Variants in IL20RA observed in about 807,000 individuals in gnomAD.
The protein encoded by IL20RA is interleukin 20 receptor subunit alpha.
Under a neutral mutation model 36.5 loss-of-function variants are expected in IL20RA, and 29 were observed. That is an observed-to-expected ratio of 0.79 (90% CI 0.59 to 1.08). The LOEUF is 1.08. Ranked by LOEUF, IL20RA falls within the 50% of genes least tolerant of loss-of-function variation. IL20RA has a pLI of 0.00. For synonymous variants in IL20RA, 279 were observed against 267.1 expected (o/e 1.04, Z -0.43); for missense variants, 652 against 668.4 (o/e 0.98, Z 0.27).
At chr6:137,028,939 G>T (rs565720015) in intron 1 of IL20RA, among the ~76,000 whole-genome samples, 23 of 152,236 alleles carry the variant, frequency 1.5e-4, no homozygotes, top group African/African-American at 5.5e-4. Flanking sequence ...ACCCAAACTT[G>T]TGGAAAGTGG....
In IL20RA at chr6:137,044,790, G is replaced by C. The variant is rs542354198; in HGVS notation, c.-62C>G. On this transcript the variant is annotated 5_prime_UTR_variant, in exon 1 of 7. Transcript: ENST00000316649. ...GACTGCTCAGTCCCACGCCCGCTGG[G>C]GCCAAGCGCGGCCGCGCGGCCTCAG... 98 of 1,201,100 alleles carry C rather than the reference G, an allele frequency of 8.2e-5. No homozygotes were observed. In the African/African-American group the frequency reaches 1.4e-3, roughly 17 times the overall value. The allele number at this position is 1,201,100 out of a possible 1,614,324, so 74.4% of individuals were successfully genotyped here.
intron 1 of IL20RA, among the ~76,000 whole-genome samples, chr6:137,028,854 GA>G (rs56684668): frequency 6.6e-6 from 1 of 151,532 alleles, no homozygotes; most frequent in African/African-American, 2.4e-5. Flanking sequence ...TTAGAAACAT[GA>G]AAAAAAAATT....
intron 1 of IL20RA, among the ~76,000 whole-genome samples, chr6:137,017,351 T>C (rs755636750): frequency 6.6e-6 from 1 of 152,156 alleles, no homozygotes; most frequent in African/African-American, 2.4e-5. Context: ...GAGACCATGT[T>C]GAGAGATTGC....
At chr6:137,021,502 C>CAAAAAA (rs3041896) in intron 1 of IL20RA, among the ~76,000 whole-genome samples, 1 of 140,144 alleles carries the variant, frequency 7.1e-6, no homozygotes, top group Non-Finnish European at 1.5e-5. Context: ...CTGTTTCTAG[C>CAAAAAA]AAAAAAAAAA....
At chr6:137,040,976 C>T (rs2115431000) in intron 1 of IL20RA, among the ~76,000 whole-genome samples, 1 of 152,308 alleles carries the variant, frequency 6.6e-6, no homozygotes, top group Non-Finnish European at 1.5e-5. Flanking sequence ...TCTGAAGAGA[C>T]CACCTTAACC....
Position 137,001,589 on chromosome 6 carries a change from T to A in IL20RA, c.1631A>T (p.Glu544Val). ...TTCCATCTGCACATATAACCCCCATTCCTCCATGAATTGCATGAGATAGGT... is the reference window on the plus strand; with the variant it reads ...TTCCATCTGCACATATAACCCCCATACCTCCATGAATTGCATGAGATAGGT... ...NETYLMQFME[E>V]WGLYVQMEN Residue 544 changes from glutamate to valine, a missense_variant, in exon 7 of 7, where the codon GAA (glutamate) becomes GTA (valine). By Grantham distance (121) the Glu-to-Val change is moderately radical. Transcript: ENST00000316649. 6.3e-7 allele frequency: 1 copy of A among 1,588,058 alleles called. No individual in the cohort carries two copies. Among genetic ancestry groups the A allele is most frequent in the Non-Finnish European group, 8.6e-7 (1 of 1,166,748 alleles).
chr6:137,044,217 C>A lies in IL20RA; in HGVS notation c.88+424G>T, dbSNP rs527647455. On this transcript the variant is annotated intron_variant, in intron 1 of 6. Transcript: ENST00000316649. The stretch of plus-strand genomic sequence containing the variant: ...ACTGCGGGGCCCGGCGGCCGAGACG[C>A]GGCATCCACAGGGGCCCCTCCGCGC... 444 of 988,130 alleles carry A rather than the reference C, an allele frequency of 4.5e-4. 1 individual carries two copies. In the African/African-American group the frequency reaches 6.7e-3, roughly 15 times the overall value. The allele number at this position is 988,130 out of a possible 1,614,324, so 61.2% of individuals were successfully genotyped here.
At chr6:137,041,555 A>G (rs1051799750) in intron 1 of IL20RA, among the ~76,000 whole-genome samples, 4 of 151,886 alleles carry the variant, frequency 2.6e-5, no homozygotes, top group Admixed American at 6.6e-5. Flanking sequence ...GTCCCTGTGT[A>G]TGTGTGTGTG....
At position 137,008,641 on chromosome 6, in the gene IL20RA, G is replaced by A. The variant is rs769008026; in HGVS notation, c.682C>T (p.Arg228Cys). 8.1e-6 allele frequency: 13 copies of A among 1,606,408 alleles called. No homozygotes were observed. Among genetic ancestry groups the A allele is most frequent in the East Asian group, 2.2e-5 (1 of 44,556 alleles). Residue 228 changes from arginine (R) to cysteine (C), a missense_variant, in exon 5 of 7, where the codon CGT becomes TGT. By Grantham distance (180) the Arg-to-Cys change is radical (BLOSUM62 -3). Transcript: ENST00000316649. The stretch of plus-strand genomic sequence containing the variant: ...CACTGCTTCTCAGAAGGCTGAGCAC[G>A]GCGAGGGGGCCCTGGGACGAAGGAC... ...VESFVPGPPR[R>C]AQPSEKQCAR... is the part of the protein sequence containing the mutation.
chr6:137,015,648 T>TTTTG (rs369289244), intron 2 of IL20RA, among the ~76,000 whole-genome samples: 123 of 152,168 alleles, frequency 8.1e-4, no homozygotes, highest in East Asian at 6.4e-3. Flanking sequence ...TCTCCATAAT[T>TTTTG]TTTGTTTGTT....
chr6:137,005,315 G>A (rs1405981274), intron 5 of IL20RA, among the ~76,000 whole-genome samples: 2 of 152,196 alleles, frequency 1.3e-5, no homozygotes, highest in Admixed American at 6.5e-5. Flanking sequence ...CTGGAGCCTG[G>A]GGATGTGTGT....
intron 1 of IL20RA, among the ~76,000 whole-genome samples, chr6:137,040,930 C>T (rs1482553203): frequency 6.6e-6 from 1 of 152,134 alleles, no homozygotes; most frequent in African/African-American, 2.4e-5. Flanking sequence ...ATTTATTAGT[C>T]ACACAGTGAA....
intron 2 of IL20RA, among the ~76,000 whole-genome samples, chr6:137,015,952 C>T (rs754359288): frequency 5.9e-5 from 9 of 152,136 alleles, no homozygotes; most frequent in South Asian, 2.1e-4. Context: ...CCACCGTGTC[C>T]GGCCAATGCT....
At position 137,001,427 on chromosome 6, in the gene IL20RA, G is replaced by T. The variant is rs1360696405; in HGVS notation, c.*131C>A. ...ACACGTGCTATGAGAATAGAGAAAA[G>T]AAATAAGTAATTCTCACAGACACTG... On this transcript the variant is annotated 3_prime_UTR_variant, in exon 7 of 7. Transcript: ENST00000316649. 3.7e-6 allele frequency: 3 copies of T among 801,572 alleles called. No individual in the cohort carries two copies. The highest frequency in any genetic ancestry group is 4.0e-6 in the Non-Finnish European group (2 of 498,306). 49.7% of individuals were successfully genotyped at this position (801,572 alleles called of 1,614,324 possible). A position where few individuals can be genotyped will look rare whatever the true frequency, so the allele number is the denominator to read the frequency against.
chr6:137,019,455 G>A (rs2115391604), intron 1 of IL20RA, among the ~76,000 whole-genome samples: 1 of 152,208 alleles, frequency 6.6e-6, no homozygotes, highest in Middle Eastern at 3.4e-3. Flanking sequence ...TGTGAGTAAA[G>A]AAATGACAGA....
rs544162744 is a variant in IL20RA at position 137,012,409 on chromosome 6, G to A, written c.225-957C>T. On this transcript the variant is annotated intron_variant, in intron 2 of 6. Coordinates refer to ENST00000316649, the MANE Select transcript of IL20RA (RefSeq NM_014432.4). ...GTGGAATGGTGGTGATATTTACTAC[G>A]AAAAAGAGCACTGAGACAGAACAGA... Among the ~76,000 whole-genome samples the A allele has an allele frequency of 7.9e-5, 12 of 152,276 alleles. No homozygotes were observed. In the East Asian group the frequency reaches 9.6e-4, roughly 12 times the overall value.
chr6:137,041,563 G>A (rs770176557), intron 1 of IL20RA, among the ~76,000 whole-genome samples: 1 of 152,186 alleles, frequency 6.6e-6, no homozygotes, highest in Non-Finnish European at 1.5e-5. Context: ...GTATGTGTGT[G>A]TGTGAGTGAA....
In IL20RA at chr6:137,011,409, T is replaced by C. The variant is rs138995272; in HGVS notation, c.268A>G (p.Ile90Val). ...GAAAGATCACAGTAGGTTCTATTGA[T>C]ATTTCTGCATTCTGATTTATTCAGC... ...KWLNKSECRNINRTYCDLSAE... is the reference protein window; with the variant it reads ...KWLNKSECRNVNRTYCDLSAE... Residue 90 changes from isoleucine to valine, a missense_variant, in exon 3 of 7, where the codon ATC becomes GTC. Transcript: ENST00000316649. 49 of 1,613,684 alleles carry C rather than the reference T, an allele frequency of 3.0e-5. No homozygotes were observed. Among genetic ancestry groups the C allele is most frequent in the Non-Finnish European group, 4.1e-5 (48 of 1,179,812 alleles).
Position 137,017,350 on chromosome 6 carries a change from T to C in IL20RA, c.89-247A>G, listed in dbSNP as rs384112. 0.82 allele frequency among the ~76,000 whole-genome samples: 124,768 copies of C among 152,174 alleles called. 56,554 individuals are homozygous for C. The highest frequency in any genetic ancestry group is 1 in the East Asian group (5,181 of 5,182). On this transcript the variant is annotated intron_variant, in intron 1 of 6. Transcript: ENST00000316649. Reference sequence around the variant, plus strand: ...CAGCTAACTTGCTGGAGAGACCATGTTGAGAGATTGCACGAAGAGAGGCTC... The same window carrying C: ...CAGCTAACTTGCTGGAGAGACCATGCTGAGAGATTGCACGAAGAGAGGCTC...
Sources: allele counts gnomAD v4.1 joint callset (sites outside exome capture counted in the v4.1 genomes callset), GRCh38; gene constraint gnomAD v4.1.1; transcripts MANE v1.5; gene names NCBI Gene and HGNC (gene_info 2026-07-23, HGNC 2026-07-21).